Variants in CNTN6 observed in about 807,000 individuals in gnomAD.
CNTN6 encodes the protein contactin 6.
CNTN6 carries 137 observed loss-of-function variants against 122.8 expected under a neutral mutation model. The observed-to-expected ratio is 1.12, with a 90% confidence interval of 0.97 to 1.29. The LOEUF (loss-of-function observed/expected upper bound fraction) is 1.29, where lower values mean the gene tolerates loss of function less well. Among genes scored for constraint, CNTN6 ranks in the 50% most tolerant of loss-of-function variants. The pLI is 0.00. For missense variants in CNTN6, 1,634 were observed against 1,223.4 expected, an observed-to-expected ratio of 1.34 and a Z score of -5.01; for synonymous variants, 570 against 426.0, an observed-to-expected ratio of 1.34 and a Z score of -4.16.
At chr3:1,293,321 AT>A (rs1336482087) in intron 5 of CNTN6, among the ~76,000 whole-genome samples, 222 of 133,846 alleles carry the variant, frequency 1.7e-3, no homozygotes, top group African/African-American at 5.7e-3. Context: ...TGCTTCATGC[AT>A]TTTTTTTTTC....
intron 11 of CNTN6, among the ~76,000 whole-genome samples, chr3:1,335,777 C>T (rs546119854): frequency 3.0e-4 from 46 of 152,180 alleles, no homozygotes; most frequent in African/African-American, 1.0e-3. Context: ...GCCTGTAATC[C>T]CAGCACTTTG....
At chr3:1,263,374 T>A (rs989187959) in intron 4 of CNTN6, among the ~76,000 whole-genome samples, 2 of 152,100 alleles carry the variant, frequency 1.3e-5, no homozygotes, top group African/African-American at 4.8e-5. Flanking sequence ...TGGGCCCCAG[T>A]CTCTTATAAC....
At chr3:1,246,877 G>T (rs1391648902) in intron 4 of CNTN6, among the ~76,000 whole-genome samples, 1 of 152,004 alleles carries the variant, frequency 6.6e-6, no homozygotes, top group Non-Finnish European at 1.5e-5. Context: ...TATTTTAATT[G>T]TGTTGTCTTT....
intron 12 of CNTN6, among the ~76,000 whole-genome samples, chr3:1,356,017 G>T (rs545938570): frequency 2.1e-4 from 32 of 151,766 alleles, no homozygotes; most frequent in South Asian, 1.0e-3. Flanking sequence ...CTCAGAAGAT[G>T]CCCAGTATAA....
At chr3:1,115,412 A>G (rs1349074001) in intron 1 of CNTN6, among the ~76,000 whole-genome samples, 3 of 152,216 alleles carry the variant, frequency 2.0e-5, no homozygotes, top group African/African-American at 7.2e-5. Context: ...TTTTCTTCAT[A>G]GAGATTTTAA....
chr3:1,124,420 T>A (rs2092081768), intron 1 of CNTN6, among the ~76,000 whole-genome samples: 1 of 151,958 alleles, frequency 6.6e-6, no homozygotes, highest in South Asian at 2.1e-4. Context: ...TGAACCTCAC[T>A]TAATTTCTTC....
chr3:1,366,917 A>G (rs1047306632), intron 12 of CNTN6, among the ~76,000 whole-genome samples: 26 of 152,128 alleles, frequency 1.7e-4, no homozygotes, highest in African/African-American at 5.6e-4. Flanking sequence ...ACTTCTTTTC[A>G]AATACAGTCT....
intron 4 of CNTN6, among the ~76,000 whole-genome samples, chr3:1,236,122 T>A (rs1317234059): frequency 6.6e-6 from 1 of 151,866 alleles, no homozygotes; most frequent in African/African-American, 2.4e-5. Flanking sequence ...TGGTGGTCTT[T>A]CTCTATGTGT....
chr3:1,279,554 T>C (rs1486265887), intron 5 of CNTN6, among the ~76,000 whole-genome samples: 1 of 152,178 alleles, frequency 6.6e-6, no homozygotes, highest in Non-Finnish European at 1.5e-5. Context: ...AATTAACTGG[T>C]CCAAGGTCAC....
At chr3:1,226,213 A>C (rs1406485373) in intron 3 of CNTN6, among the ~76,000 whole-genome samples, 1 of 152,136 alleles carries the variant, frequency 6.6e-6, no homozygotes, top group Non-Finnish European at 1.5e-5. Context: ...TCATTTTTTA[A>C]AAAATTAACC....
At chr3:1,142,407 A>G (rs2125144085) in intron 1 of CNTN6, among the ~76,000 whole-genome samples, 1 of 152,262 alleles carries the variant, frequency 6.6e-6, no homozygotes, top group East Asian at 1.9e-4. Context: ...CAGGGCTCAC[A>G]GTCTGCAGCT....
chr3:1,322,320 A>G (rs2125975742), intron 8 of CNTN6, among the ~76,000 whole-genome samples: 1 of 151,838 alleles, frequency 6.6e-6, no homozygotes, highest in East Asian at 1.9e-4. Flanking sequence ...CATTATTTAA[A>G]ATTATGTTTG....
chr3:1,342,601 G>A (rs775571390), intron 11 of CNTN6, among the ~76,000 whole-genome samples: 5 of 151,836 alleles, frequency 3.3e-5, no homozygotes, highest in Non-Finnish European at 7.4e-5. Flanking sequence ...ACTCAATACA[G>A]CTGCCCAAAG....
Position 1,278,393 on chromosome 3 carries a change from G to C in CNTN6, c.359-20G>C. The stretch of plus-strand genomic sequence containing the variant: ...CTGCAAAGTAACTAATTATAAATCT[G>C]CTTTTCTTTGTTTTCCAAGATATTG... On this transcript the variant is annotated intron_variant, in intron 4 of 22. Transcript: ENST00000446702. The C allele has an allele frequency of 4.0e-6, 6 of 1,486,118 alleles. No individual in the cohort carries two copies. Among genetic ancestry groups the C allele is most frequent in the Non-Finnish European group, 4.6e-6 (5 of 1,081,092 alleles). The allele number at this position is 1,486,118 out of a possible 1,614,324, so 92.1% of individuals were successfully genotyped here. A position where few individuals can be genotyped will look rare whatever the true frequency, so the allele number is the denominator to read the frequency against.
chr3:1,197,799 A>T (rs894222192), intron 2 of CNTN6, among the ~76,000 whole-genome samples: 1 of 152,198 alleles, frequency 6.6e-6, no homozygotes, highest in African/African-American at 2.4e-5. Context: ...TTAATATTTT[A>T]TGTTATTTCA....
At chr3:1,201,260 G>C (rs2015778) in intron 2 of CNTN6, among the ~76,000 whole-genome samples, 3,042 of 151,966 alleles carry the variant, frequency 0.02, 95 homozygotes, top group African/African-American at 0.068. Context: ...GGAGTAAGCC[G>C]CCATGCTCAG....
chr3:1,249,552 C>T (rs2094630223), intron 4 of CNTN6, among the ~76,000 whole-genome samples: 1 of 152,148 alleles, frequency 6.6e-6, no homozygotes, highest in South Asian at 2.1e-4. Flanking sequence ...CTACTCATGA[C>T]AGAAAATGCA....
At chr3:1,221,003 C>T (rs1281767676) in intron 3 of CNTN6, among the ~76,000 whole-genome samples, 190 bp downstream of exon 3, 3 of 152,130 alleles carry the variant, frequency 2.0e-5, no homozygotes, top group Non-Finnish European at 2.9e-5. Context: ...CAGGGTATTC[C>T]CTCATGCCGC....
intron 2 of CNTN6, among the ~76,000 whole-genome samples, chr3:1,217,666 C>T (rs1192871507): frequency 2.0e-5 from 3 of 152,120 alleles, no homozygotes; most frequent in Admixed American, 2.0e-4. Flanking sequence ...AGTTTTAGTC[C>T]TTTAAAAGGT....
Sources: gnomAD v4.1 joint callset for allele counts (sites outside exome capture counted in the v4.1 genomes callset) on GRCh38, gnomAD v4.1.1 for gene constraint, MANE v1.5 for transcripts, NCBI Gene and HGNC (gene_info 2026-07-23, HGNC 2026-07-21) for gene names.